TMX2: variants seen among roughly 807,000 people sequenced by gnomAD.
TMX2 encodes thioredoxin-related transmembrane protein 2.
Under a neutral mutation model 33.4 loss-of-function variants are expected in TMX2, and 20 were observed. The observed-to-expected ratio is 0.60, with a 90% CI of 0.42 to 0.87. TMX2 has a LOEUF of 0.87. TMX2 is among the 40% of genes least tolerant of loss of function. The pLI is 0.00. For synonymous variants in TMX2, 166 were observed against 140.7 expected, an observed-to-expected ratio of 1.18 and a Z score of -1.27; for missense variants, 340 against 370.7, an observed-to-expected ratio of 0.92 and a Z score of 0.68.
In TMX2 at chr11:57,733,326, G is replaced by A. The variant is rs548188327; in HGVS notation, c.190-4282G>A. Among the ~76,000 whole-genome samples, 5 of 146,900 alleles carry A rather than the reference G, an allele frequency of 3.4e-5. No individual in the cohort carries two copies. In the South Asian group the frequency reaches 6.5e-4, roughly 19 times the overall value. On this transcript the variant is annotated intron_variant, in intron 1 of 7. Transcript: ENST00000278422. ...GCTGGAGTGCAATAGCGCTTTCTCG[G>A]CTCACTGCAACCTCCGCCTCTCGGG... is the stretch of plus-strand genomic sequence containing the variant.
At chr11:57,721,162 T>C (rs953334411) in intron 1 of TMX2, among the ~76,000 whole-genome samples, 1 of 151,382 alleles carries the variant, frequency 6.6e-6, no homozygotes, top group African/African-American at 2.4e-5. Flanking sequence ...ATTAGCCGGG[T>C]GTGGTGGTGT....
At chr11:57,723,542 C>G (rs1947777023) in intron 1 of TMX2, among the ~76,000 whole-genome samples, 1 of 151,024 alleles carries the variant, frequency 6.6e-6, no homozygotes, top group African/African-American at 2.4e-5. Context: ...GTGGCTCACG[C>G]CTGTAATCCC....
chr11:57,739,344 C>A (rs1948942746), intron 7 of TMX2, 84 bp downstream of exon 7: 1 of 1,448,132 alleles, frequency 6.9e-7, no homozygotes, highest in African/African-American at 1.4e-5. Flanking sequence ...ATTCACAGCT[C>A]TGCCACTTGC....
chr11:57,732,952 CT>C (rs1948491698), intron 1 of TMX2, among the ~76,000 whole-genome samples: 2 of 152,156 alleles, frequency 1.3e-5, no homozygotes, highest in South Asian at 4.1e-4. Context: ...CACACCTAGG[CT>C]TTATGGCACA....
intron 1 of TMX2, chr11:57,718,022 C>T: frequency 1.1e-6 from 1 of 891,206 alleles, no homozygotes; most frequent in Non-Finnish European, 1.9e-6. Context: ...GTGGTGAAGA[C>T]AAAACAAGTC....
At chr11:57,714,989 A>G (rs1186343241) in intron 1 of TMX2, among the ~76,000 whole-genome samples, 1 of 152,190 alleles carries the variant, frequency 6.6e-6, no homozygotes, top group Non-Finnish European at 1.5e-5. Flanking sequence ...TTATGAGTCC[A>G]GTTTTATTTT....
chr11:57,728,464 A>G (rs1479868201), intron 1 of TMX2, among the ~76,000 whole-genome samples: 1 of 152,132 alleles, frequency 6.6e-6, no homozygotes, highest in Non-Finnish European at 1.5e-5. Context: ...GAGGTAAGGT[A>G]CCAGCAGGGG....
intron 1 of TMX2, among the ~76,000 whole-genome samples, chr11:57,713,150 G>A (rs2135433179): frequency 6.6e-6 from 1 of 152,112 alleles, no homozygotes; most frequent in East Asian, 1.9e-4. Flanking sequence ...ATTATGTAAA[G>A]CCTCCTGAGG....
chr11:57,720,372 G>A (rs1330822970), intron 1 of TMX2, among the ~76,000 whole-genome samples: 1 of 152,176 alleles, frequency 6.6e-6, no homozygotes, highest in Non-Finnish European at 1.5e-5. Context: ...ACCCCCAAAA[G>A]TCAGGAGTCA....
At chr11:57,737,276 C>T (rs760603021) in intron 1 of TMX2, among the ~76,000 whole-genome samples, 11 of 152,006 alleles carry the variant, frequency 7.2e-5, no homozygotes, top group Non-Finnish European at 1.0e-4. Context: ...AAAAATTAGC[C>T]GGGTGTGGTG....
intron 7 of TMX2, 118 bp downstream of exon 7, chr11:57,739,378 T>A: frequency 1.0e-6 from 1 of 983,638 alleles, no homozygotes; most frequent in South Asian, 1.4e-5. Context: ...GGGTGTGGAC[T>A]AGTTACTAGA....
intron 1 of TMX2, chr11:57,718,420 A>C: frequency 7.6e-7 from 1 of 1,309,846 alleles, no homozygotes; most frequent in South Asian, 1.2e-5. Context: ...CAGTGCTCAG[A>C]GCACGAAAGT....
At chr11:57,734,641 C>T (rs767483102) in intron 1 of TMX2, among the ~76,000 whole-genome samples, 11 of 150,892 alleles carry the variant, frequency 7.3e-5, no homozygotes, top group Middle Eastern at 3.5e-3. Flanking sequence ...CCAGCTACTC[C>T]GGAGGCTGAG....
In TMX2 at chr11:57,737,665, TC is replaced by T; in HGVS notation, c.249del (p.Ile84SerfsTer7). The T allele has an allele frequency of 6.2e-7, 1 of 1,613,978 alleles. No individual in the cohort carries two copies. The highest frequency in any genetic ancestry group is 1.1e-5 in the South Asian group (1 of 91,080). ...CATTGTGATGATGAAGAACCGCAGA[TC>T]CAGTAAGTTTAGTTCACTTCTCAGA... ...SAIVMMKNRR[S>X]ITVEQHIGNI... On this transcript the variant is annotated frameshift_variant and splice_region_variant, in exon 2 of 8. Transcript: ENST00000278422. LOFTEE classifies it high-confidence loss of function.
rs1456986141 is a variant in TMX2, at chr11:57,715,789, C to T, written c.189+2982C>T. ...ATTAGGGAGTGGTGATGATTCTTAA[C>T]GAGCATGCTGCCTTCAAGCATCTGT... On this transcript the variant is annotated intron_variant, in intron 1 of 7. Coordinates refer to ENST00000278422, the MANE Select transcript of TMX2 (RefSeq NM_015959.4). Among the ~76,000 whole-genome samples the T allele has an allele frequency of 4.0e-5, 6 of 151,254 alleles. No homozygotes were observed. In the East Asian group the frequency reaches 9.7e-4, roughly 25 times the overall value.
In TMX2 at chr11:57,740,337, C is replaced by A. The variant is rs1949012089; in HGVS notation, c.*92C>A. ...GGCTGCAGCCTTTTATTTATGTTTT[C>A]CCTTTGGCTGTGACTGGGTGGGGCA... On this transcript the variant is annotated 3_prime_UTR_variant, in exon 8 of 8. Coordinates refer to ENST00000278422, the MANE Select transcript of TMX2 (RefSeq NM_015959.4). The A allele has an allele frequency of 1.4e-6, 2 of 1,426,454 alleles. No homozygotes were observed. The highest frequency in any genetic ancestry group is 5.1e-5 in the East Asian group (2 of 39,024). 88.4% of individuals were successfully genotyped at this position (1,426,454 alleles called of 1,614,324 possible).
chr11:57,727,952 C>T (rs1948109886), intron 1 of TMX2, among the ~76,000 whole-genome samples: 2 of 152,194 alleles, frequency 1.3e-5, no homozygotes, highest in South Asian at 4.1e-4. Context: ...TTAAATTTAC[C>T]TACAGCCCCG....
At chr11:57,739,069 G>C (rs1477478410) in intron 6 of TMX2, 30 bp downstream of exon 6, 1 of 1,614,052 alleles carries the variant, frequency 6.2e-7, no homozygotes, top group African/African-American at 1.3e-5. Flanking sequence ...GAGGGTCTGA[G>C]CAGGGAAATC....
intron 1 of TMX2, among the ~76,000 whole-genome samples, chr11:57,737,007 T>C (rs1948791324): frequency 6.6e-6 from 1 of 152,362 alleles, no homozygotes; most frequent in South Asian, 2.1e-4. Flanking sequence ...ATTAATAATC[T>C]TACGATTTTA....
Sources: gnomAD v4.1 joint callset for allele counts (sites outside exome capture counted in the v4.1 genomes callset) on GRCh38, gnomAD v4.1.1 for gene constraint, MANE v1.5 for transcripts, NCBI Gene and HGNC (gene_info 2026-07-23, HGNC 2026-07-21) for gene names.